Variants in DYNC1I1 observed in about 807,000 individuals in gnomAD.
DYNC1I1 encodes cytoplasmic dynein 1 intermediate chain 1.
Under a neutral mutation model 86.6 loss-of-function variants are expected in DYNC1I1, and 43 were observed. That is an observed-to-expected ratio of 0.50 (90% confidence interval 0.39 to 0.64). The LOEUF (loss-of-function observed/expected upper bound fraction) is 0.64. Ranked by LOEUF, DYNC1I1 falls within the 30% of genes least tolerant of loss-of-function variation. DYNC1I1 has a pLI of 0.00. For missense variants in DYNC1I1, 604 were observed against 788.8 expected (o/e 0.77, Z 2.81); for synonymous variants, 262 against 283.7 (o/e 0.92, Z 0.77).
chr7:96,093,622 G>C (rs1461414261), intron 16 of DYNC1I1, among the ~76,000 whole-genome samples: 1 of 152,198 alleles, frequency 6.6e-6, no homozygotes, highest in Non-Finnish European at 1.5e-5. Context: ...TGGACTGGCT[G>C]TTGGTGAACT....
At chr7:95,930,254 A>C (rs185162698) in intron 6 of DYNC1I1, among the ~76,000 whole-genome samples, 1 of 152,338 alleles carries the variant, frequency 6.6e-6, no homozygotes, top group Admixed American at 6.5e-5. Flanking sequence ...TGGCCTACAA[A>C]TATATAGCTA....
rs532323215 is a variant in DYNC1I1 at position 96,028,355 on chromosome 7, G to A, written c.1116+34G>A. ...AACTTTTGCCATATCCCTGTGAGCC[G>A]CCAGGCCCTGAAAGAGAAAATAACT... On this transcript the variant is annotated intron_variant, in intron 11 of 16. Transcript: ENST00000447467. 33 of 1,567,474 alleles carry A rather than the reference G, an allele frequency of 2.1e-5. No homozygotes were observed. The Admixed American group carries it at 3.1e-4, about 15-fold the overall frequency.
chr7:95,880,471 G>T (rs1280042997), intron 6 of DYNC1I1, among the ~76,000 whole-genome samples: 1 of 151,966 alleles, frequency 6.6e-6, no homozygotes, highest in Non-Finnish European at 1.5e-5. Context: ...ACCTGTAGGG[G>T]TTACAAGTTA....
intron 10 of DYNC1I1, among the ~76,000 whole-genome samples, chr7:96,020,060 T>G (rs1325484092): frequency 1.4e-5 from 2 of 146,226 alleles, no homozygotes; most frequent in East Asian, 4.0e-4. Flanking sequence ...CTTAGATACC[T>G]CATATCCATT....
At chr7:95,793,591 G>A (rs1794364153) in intron 1 of DYNC1I1, among the ~76,000 whole-genome samples, 1 of 152,152 alleles carries the variant, frequency 6.6e-6, no homozygotes, top group Non-Finnish European at 1.5e-5. Flanking sequence ...ATAGCCACAG[G>A]GTTTGTATTA....
At chr7:96,033,945 G>T (rs1024503424) in intron 12 of DYNC1I1, among the ~76,000 whole-genome samples, 2 of 152,008 alleles carry the variant, frequency 1.3e-5, no homozygotes, top group African/African-American at 4.8e-5. Flanking sequence ...AGGAGTTCGA[G>T]GTTGCAGTGA....
At chr7:95,938,315 C>A (rs1463489226) in intron 6 of DYNC1I1, among the ~76,000 whole-genome samples, 3 of 152,110 alleles carry the variant, frequency 2.0e-5, no homozygotes, top group Non-Finnish European at 4.4e-5. Flanking sequence ...TGGTGGTAAA[C>A]TTGATAAAGT....
At chr7:95,986,955 CAGAG>C (rs370269378) in intron 8 of DYNC1I1, 97 bp from the exon 9 acceptor site, 1 of 1,003,596 alleles carries the variant, frequency 1.0e-6, no homozygotes. Flanking sequence ...ATTTTGGCCT[CAGAG>C]AGTATTGTGT....
At chr7:96,051,836 G>A (rs1363938100) in intron 14 of DYNC1I1, among the ~76,000 whole-genome samples, 1 of 152,164 alleles carries the variant, frequency 6.6e-6, no homozygotes, top group African/African-American at 2.4e-5. Flanking sequence ...ATGAATAAAA[G>A]AGACAAGAAA....
intron 6 of DYNC1I1, among the ~76,000 whole-genome samples, chr7:95,879,066 G>A (rs993388708): frequency 1.3e-5 from 2 of 151,668 alleles, no homozygotes; most frequent in Non-Finnish European, 1.5e-5. Flanking sequence ...TGTAGTCACA[G>A]ACCCACCTTA....
At chr7:95,870,051 G>A in intron 6 of DYNC1I1, 53 bp downstream of exon 6, 1 of 1,464,474 alleles carries the variant, frequency 6.8e-7, no homozygotes, top group South Asian at 1.2e-5. Context: ...AAATCGCTGG[G>A]AAGTAACATC....
chr7:95,919,821 G>T (rs1237659257), intron 6 of DYNC1I1, among the ~76,000 whole-genome samples: 1 of 152,134 alleles, frequency 6.6e-6, no homozygotes, highest in Non-Finnish European at 1.5e-5. Flanking sequence ...GTTCCCAGTG[G>T]TCAAAGCTGG....
At chr7:95,904,306 G>A (rs963907473) in intron 6 of DYNC1I1, among the ~76,000 whole-genome samples, 2 of 152,094 alleles carry the variant, frequency 1.3e-5, no homozygotes, top group African/African-American at 4.8e-5. Context: ...GTGTAAGATG[G>A]AGGCAGCTGA....
chr7:95,813,525 G>C (rs1297686190), intron 4 of DYNC1I1, among the ~76,000 whole-genome samples, 188 bp downstream of exon 4: 2 of 152,074 alleles, frequency 1.3e-5, no homozygotes, highest in Non-Finnish European at 2.9e-5. Flanking sequence ...CACTAGAAAT[G>C]ATCAACATAT....
rs111498283 is a variant in DYNC1I1 at position 95,787,380 on chromosome 7, A to C, written c.-10+14607A>C. 1.9e-3 allele frequency among the ~76,000 whole-genome samples: 283 copies of C among 152,312 alleles called. 1 individual carries two copies. The highest frequency in any genetic ancestry group is 6.3e-3 in the African/African-American group (263 of 41,566). On this transcript the variant is annotated intron_variant, in intron 1 of 16. Transcript: ENST00000447467. ...ATTGAAAAATCAAGCTGGTGGTCCA[A>C]TTATGTTAATACATTCAAAAGGACT...
chr7:95,903,069 C>A (rs1294989351), intron 6 of DYNC1I1, among the ~76,000 whole-genome samples: 1 of 152,120 alleles, frequency 6.6e-6, no homozygotes, highest in Non-Finnish European at 1.5e-5. Flanking sequence ...AGTGGTGCAG[C>A]CTCATCTGGA....
chr7:95,933,881 T>C (rs1472120612), intron 6 of DYNC1I1, among the ~76,000 whole-genome samples: 1 of 152,020 alleles, frequency 6.6e-6, no homozygotes, highest in Non-Finnish European at 1.5e-5. Flanking sequence ...AGATGTAACA[T>C]AAAATGAAAC....
chr7:95,899,172 T>C (rs1046225499), intron 6 of DYNC1I1, among the ~76,000 whole-genome samples: 4 of 152,182 alleles, frequency 2.6e-5, no homozygotes, highest in Non-Finnish European at 5.9e-5. Context: ...AGATACTCAA[T>C]TGATATTTAT....
At chr7:95,797,431 A>C (rs1218842036) in intron 1 of DYNC1I1, among the ~76,000 whole-genome samples, 1 of 152,210 alleles carries the variant, frequency 6.6e-6, no homozygotes, top group Non-Finnish European at 1.5e-5. Flanking sequence ...GTTTTATGTC[A>C]CCTAAAGACT....
Sources: gnomAD v4.1 joint callset for allele counts (sites outside exome capture counted in the v4.1 genomes callset) on GRCh38, gnomAD v4.1.1 for gene constraint, MANE v1.5 for transcripts, NCBI Gene and HGNC (gene_info 2026-07-23, HGNC 2026-07-21) for gene names.